The following BABAM2 variants were observed in gnomAD, a reference collection of about 807,000 sequenced individuals.
BABAM2 encodes the protein BRISC and BRCA1-A complex member 2.
In BABAM2, 31 loss-of-function variants were observed where a neutral mutation model predicts 54.7. The ratio of observed to expected loss-of-function variants is 0.57; its 90% CI spans 0.43 to 0.77. The LOEUF (loss-of-function observed/expected upper bound fraction) is 0.77. Ranked by LOEUF, BABAM2 falls within the 30% of genes least tolerant of loss-of-function variation. The pLI is 0.00. For missense variants in BABAM2, 364 were observed against 455.8 expected, an observed-to-expected ratio of 0.80 and a Z score of 1.83; for synonymous variants, 167 against 162.9, an observed-to-expected ratio of 1.03 and a Z score of -0.19.
intron 7 of BABAM2, among the ~76,000 whole-genome samples, chr2:28,188,044 G>A (rs1676510780): frequency 6.6e-6 from 1 of 152,068 alleles, no homozygotes. Flanking sequence ...CCGGGCGCAG[G>A]CAGTAGATAT....
At position 28,077,302 on chromosome 2, in the gene BABAM2, A is replaced by G. The variant is rs144030224; in HGVS notation, c.570+31503A>G. Among the ~76,000 whole-genome samples, 385 of 152,334 alleles carry G rather than the reference A, an allele frequency of 2.5e-3. 4 individuals carry two copies. Among genetic ancestry groups the G allele is most frequent in the African/African-American group, 8.9e-3 (371 of 41,596 alleles). On this transcript the variant is annotated intron_variant, in intron 6 of 11. Coordinates refer to ENST00000379624, the MANE Select transcript of BABAM2 (RefSeq NM_199191.3). Reference sequence around the variant, plus strand: ...TTAAGAACTAAAGTTTTAAGATAAGACTATTGTGTTTCGTTCCTATATGCT... The same window carrying G: ...TTAAGAACTAAAGTTTTAAGATAAGGCTATTGTGTTTCGTTCCTATATGCT...
chr2:27,943,305 A>G lies in BABAM2; in HGVS notation c.205+13397A>G, dbSNP rs145138112. ...ACTGAATCTCTCAGCCTGGCATTCA[A>G]GGCCAGTCACAGTGTGACATTCCAG... is the stretch of plus-strand genomic sequence containing the variant. On this transcript the variant is annotated intron_variant, in intron 3 of 11. Transcript: ENST00000379624. Among the ~76,000 whole-genome samples the G allele has an allele frequency of 3.9e-4, 59 of 152,324 alleles. 1 individual carries two copies. Among genetic ancestry groups the G allele is most frequent in the African/African-American group, 1.3e-3 (55 of 41,570 alleles).
intron 6 of BABAM2, 63 bp from the exon 7 acceptor site, chr2:28,129,208 C>T (rs1669824071): frequency 1.4e-6 from 2 of 1,446,996 alleles, no homozygotes. Context: ...GGACTGTGAG[C>T]TTGACACTAA....
chr2:28,269,135 T>A (rs934148946), intron 10 of BABAM2, among the ~76,000 whole-genome samples: 2 of 152,150 alleles, frequency 1.3e-5, no homozygotes, highest in South Asian at 2.1e-4. Context: ...ACATATCAAA[T>A]CTCTTTTATC....
intron 11 of BABAM2, chr2:28,307,724 CT>C (rs1037485848): frequency 6.6e-6 from 1 of 151,970 alleles, no homozygotes; most frequent in African/African-American, 2.4e-5. Context: ...AGTCAACTAA[CT>C]TTTAAAGAAT....
At chr2:27,917,068 A>G (rs1456007057) in intron 2 of BABAM2, among the ~76,000 whole-genome samples, 1 of 130,058 alleles carries the variant, frequency 7.7e-6, no homozygotes. Context: ...GCCAGGCTGG[A>G]GTGCAGTGGC....
intron 7 of BABAM2, among the ~76,000 whole-genome samples, chr2:28,202,967 C>A (rs750645189): frequency 3.9e-5 from 6 of 152,154 alleles, no homozygotes; most frequent in African/African-American, 1.2e-4. Flanking sequence ...TCCACCCCCC[C>A]ACAGAAAGAA....
chr2:28,299,329 T>G (rs1687934788), intron 11 of BABAM2, among the ~76,000 whole-genome samples: 1 of 152,214 alleles, frequency 6.6e-6, no homozygotes, highest in Admixed American at 6.5e-5. Flanking sequence ...AGAAATATGC[T>G]GAGTGTTTTT....
At chr2:28,242,706 A>G (rs1308765367) in intron 9 of BABAM2, among the ~76,000 whole-genome samples, 2 of 152,222 alleles carry the variant, frequency 1.3e-5, no homozygotes, top group Non-Finnish European at 2.9e-5. Context: ...AAACCATGGC[A>G]CAATTATAAG....
At chr2:27,905,001 C>T (rs997276670) in intron 2 of BABAM2, among the ~76,000 whole-genome samples, 1 of 152,140 alleles carries the variant, frequency 6.6e-6, no homozygotes, top group Non-Finnish European at 1.5e-5. Flanking sequence ...TTACTGTTAA[C>T]TTTATTACTA....
chr2:28,205,229 G>A (rs1395824631), intron 7 of BABAM2, among the ~76,000 whole-genome samples: 3 of 152,040 alleles, frequency 2.0e-5, no homozygotes, highest in Non-Finnish European at 2.9e-5. Flanking sequence ...TGGCCAGGCA[G>A]GGTGGCTCAC....
intron 2 of BABAM2, among the ~76,000 whole-genome samples, chr2:27,907,154 G>A (rs576588597): frequency 1.3e-5 from 2 of 152,120 alleles, no homozygotes; most frequent in East Asian, 3.9e-4. Flanking sequence ...CCATCTCAGG[G>A]CCACATTTCC....
intron 5 of BABAM2, among the ~76,000 whole-genome samples, chr2:28,036,205 G>A (rs1322700075): frequency 6.6e-6 from 1 of 152,136 alleles, no homozygotes; most frequent in Non-Finnish European, 1.5e-5. Flanking sequence ...ACCAGCTGAG[G>A]CGGGTTTTAA....
At chr2:27,949,562 C>T (rs1467560266) in intron 3 of BABAM2, among the ~76,000 whole-genome samples, 3 of 151,214 alleles carry the variant, frequency 2.0e-5, no homozygotes, top group African/African-American at 7.3e-5. Flanking sequence ...ATCATATTGT[C>T]GAAGACAGGG....
chr2:27,936,040 T>G (rs1040146639), intron 3 of BABAM2, among the ~76,000 whole-genome samples: 6 of 152,150 alleles, frequency 3.9e-5, no homozygotes, highest in Non-Finnish European at 7.4e-5. Context: ...TGCCTCAGCC[T>G]CCTAAGTAGC....
chr2:28,307,441 T>C (rs1017739935), intron 11 of BABAM2, among the ~76,000 whole-genome samples: 4 of 151,906 alleles, frequency 2.6e-5, no homozygotes, highest in Non-Finnish European at 1.5e-5. Flanking sequence ...TCTTCCTGTA[T>C]TCTTTCAGTT....
chr2:27,969,834 G>T (rs888331668), intron 3 of BABAM2, among the ~76,000 whole-genome samples: 1 of 152,164 alleles, frequency 6.6e-6, no homozygotes, highest in African/African-American at 2.4e-5. Context: ...TACCGCAGTT[G>T]ATATGGTTGC....
rs562053247 is a variant in BABAM2, at chr2:28,079,351, A to G, written c.570+33552A>G. On this transcript the variant is annotated intron_variant, in intron 6 of 11. Transcript: ENST00000379624. ...GTGATTAGACTATTTCATCTAAGGG[A>G]AAAAAACCAAACTCTTGCACATATT... is the stretch of plus-strand genomic sequence containing the variant. Among the ~76,000 whole-genome samples the G allele has an allele frequency of 2.6e-5, 4 of 152,160 alleles. No homozygotes were observed. The East Asian group carries it at 7.7e-4, about 29-fold the overall frequency.
At chr2:27,993,111 C>T (rs1008367729) in intron 4 of BABAM2, among the ~76,000 whole-genome samples, 9 of 152,076 alleles carry the variant, frequency 5.9e-5, no homozygotes, top group African/African-American at 2.2e-4. Context: ...CCTTGATTTG[C>T]CCTGGACTGA....
Sources: gnomAD v4.1 joint callset for allele counts (sites outside exome capture counted in the v4.1 genomes callset) on GRCh38, gnomAD v4.1.1 for gene constraint, MANE v1.5 for transcripts, NCBI Gene and HGNC (gene_info 2026-07-23, HGNC 2026-07-21) for gene names.